The following DIAPH2 variants were observed in gnomAD, a reference collection of about 807,000 sequenced individuals.
DIAPH2 encodes diaphanous related formin 2, also known as protein diaphanous homolog 2.
DIAPH2 carries 35 observed loss-of-function variants against 92.7 expected under a neutral mutation model. The ratio of observed to expected loss-of-function variants is 0.38; its 90% CI spans 0.29 to 0.50. The LOEUF is 0.50. Among genes scored for constraint, DIAPH2 ranks in the 20% least tolerant of loss-of-function variants. The pLI is 0.94. For missense variants in DIAPH2, 701 were observed against 819.5 expected (o/e 0.86, Z 1.77); for synonymous variants, 301 against 280.4 (o/e 1.07, Z -0.73).
At chrX:97,115,754 AAAAG>A (rs1231863607) in intron 21 of DIAPH2, among the ~76,000 whole-genome samples, 1 of 111,703 alleles carries the variant, frequency 9.0e-6, no homozygotes, top group African/African-American at 3.2e-5. Context: ...TAAGAGGTAA[AAAAG>A]AAAATTGAAT....
intron 4 of DIAPH2, among the ~76,000 whole-genome samples, chrX:96,794,138 A>G (rs903514708): frequency 4.5e-5 from 5 of 111,480 alleles, no homozygotes; most frequent in African/African-American, 1.6e-4. Context: ...CAACCTTCTT[A>G]CCTGACAAAA....
chrX:97,300,716 A>C (rs1176933049), intron 23 of DIAPH2, among the ~76,000 whole-genome samples: 6 of 94,377 alleles, frequency 6.4e-5, no homozygotes, highest in Admixed American at 6.2e-4. Flanking sequence ...GCGGATCACA[A>C]GGTCAGGAGA....
At chrX:97,396,258 A>C (rs1347864299) in intron 25 of DIAPH2, among the ~76,000 whole-genome samples, 1 of 111,991 alleles carries the variant, frequency 8.9e-6, no homozygotes, top group East Asian at 2.8e-4. Context: ...ACAGATTCAC[A>C]GAACCAACAA....
intron 19 of DIAPH2, among the ~76,000 whole-genome samples, chrX:97,089,796 C>T (rs1054612274): frequency 1.8e-5 from 2 of 110,353 alleles, no homozygotes; most frequent in Non-Finnish European, 3.8e-5. Context: ...GGTGCCATCT[C>T]GGCTCAGTGC....
In DIAPH2 at chrX:96,948,988, A is replaced by G; in HGVS notation, c.1563A>G (p.Arg521=). 8.3e-7 allele frequency: 1 copy of G among 1,206,930 alleles called. No individual in the cohort carries two copies. Among genetic ancestry groups the G allele is most frequent in the Non-Finnish European group, 1.1e-6 (1 of 893,079 alleles). ...AAGCTCAAGCAGAGCTTCAAAAAAG[A>G]GATGAGAAAATCAAAGAACTTGAAG... The part of the protein sequence containing the change: ...RQEAQAELQK[R]DEKIKELEAE... Residue 521 remains arginine (R), a synonymous_variant, in exon 15 of 27, where the codon AGA becomes AGG. Coordinates refer to ENST00000324765, the MANE Select transcript of DIAPH2 (RefSeq NM_006729.5).
chrX:97,127,561 G>A (rs960665857), intron 21 of DIAPH2, among the ~76,000 whole-genome samples: 4 of 112,257 alleles, frequency 3.6e-5, no homozygotes, highest in African/African-American at 6.5e-5. Context: ...AGGGTTACTC[G>A]TTGATTTCTT....
intron 23 of DIAPH2, among the ~76,000 whole-genome samples, chrX:97,345,214 T>A (rs1488906199): frequency 8.9e-6 from 1 of 112,053 alleles, no homozygotes; most frequent in Non-Finnish European, 1.9e-5. Flanking sequence ...GAAATGTGTT[T>A]GTTTTTTCGG....
At chrX:97,034,051 A>AT (rs1229641036) in intron 17 of DIAPH2, among the ~76,000 whole-genome samples, 23 of 100,893 alleles carry the variant, frequency 2.3e-4, no homozygotes, top group South Asian at 9.5e-4. Context: ...TTCTGAAATC[A>AT]TTTTTTTTTG....
At chrX:96,767,191 G>C (rs2064309526) in intron 4 of DIAPH2, among the ~76,000 whole-genome samples, 1 of 111,153 alleles carries the variant, frequency 9.0e-6, no homozygotes, top group South Asian at 3.8e-4. Context: ...AGGGCTTTCA[G>C]AATACTCCTA....
At chrX:97,130,533 TATATG>T in intron 21 of DIAPH2, among the ~76,000 whole-genome samples, 1 of 111,917 alleles carries the variant, frequency 8.9e-6, no homozygotes, top group East Asian at 2.8e-4. Flanking sequence ...ATATTCCACT[TATATG>T]AGGTACCTAG....
chrX:97,124,689 C>G (rs770982668), intron 21 of DIAPH2, among the ~76,000 whole-genome samples: 1 of 111,780 alleles, frequency 8.9e-6, no homozygotes, highest in African/African-American at 3.2e-5. Context: ...TACACACACA[C>G]ACACCTCCCT....
intron 26 of DIAPH2, among the ~76,000 whole-genome samples, chrX:97,443,578 GA>G (rs2070281028): frequency 8.9e-6 from 1 of 111,813 alleles, no homozygotes; most frequent in African/African-American, 3.2e-5. Flanking sequence ...GGAGGAAATA[GA>G]AATTGTATTC....
intron 23 of DIAPH2, among the ~76,000 whole-genome samples, chrX:97,295,452 C>A (rs892881618): frequency 9.0e-6 from 1 of 111,612 alleles, no homozygotes; most frequent in Non-Finnish European, 1.9e-5. Context: ...ATGAAATAAA[C>A]ACCTAAAACA....
intron 20 of DIAPH2, among the ~76,000 whole-genome samples, chrX:97,100,516 G>A (rs749139312): frequency 1.8e-5 from 2 of 111,397 alleles, no homozygotes; most frequent in South Asian, 7.6e-4. Flanking sequence ...CAAAAAAATG[G>A]CAGGAAAGAG....
intron 16 of DIAPH2, among the ~76,000 whole-genome samples, chrX:96,962,272 T>TACATATATATATACATATATATATAC (rs1569436341): frequency 7.3e-5 from 6 of 81,675 alleles, no homozygotes; most frequent in Admixed American, 2.9e-4. Context: ...TATATATATA[T>TACATATATATATACATATATATATAC]ACATATATAT....
Position 97,383,928 on chromosome X carries a change from A to T in DIAPH2, c.3029A>T (p.Asn1010Ile). ...TLFLEAVRENNKRREMEEKTR... is the reference protein window; with the variant it reads ...TLFLEAVRENIKRREMEEKTR... ...GTATAGGAAGCAGTGAGAGAAAACA[A>T]TAAGAGAAGAGAAATGGAAGAGAAG... The change falls in exon 25 of 27, where the codon AAT becomes ATT. Residue 1010 changes from asparagine (N) to isoleucine (I), a missense_variant. By Grantham distance (149) the Asn-to-Ile change is moderately radical. Coordinates refer to ENST00000324765, the MANE Select transcript of DIAPH2 (RefSeq NM_006729.5). The T allele has an allele frequency of 8.3e-7, 1 of 1,200,836 alleles. No homozygotes were observed. The highest frequency in any genetic ancestry group is 1.1e-6 in the Non-Finnish European group (1 of 891,049).
chrX:96,702,307 G>C (rs1380877080), intron 1 of DIAPH2, among the ~76,000 whole-genome samples: 1 of 111,760 alleles, frequency 8.9e-6, no homozygotes, highest in African/African-American at 3.3e-5. Flanking sequence ...AATTCTTCAT[G>C]TTCAATAGTT....
At chrX:96,813,410 T>G (rs1328176815) in intron 4 of DIAPH2, among the ~76,000 whole-genome samples, 14 of 110,638 alleles carry the variant, frequency 1.3e-4, no homozygotes, top group Non-Finnish European at 1.7e-4. Flanking sequence ...TTTAAGCCTA[T>G]GTGTGTCTCT....
chrX:97,156,130 A>C (rs1024609965), intron 22 of DIAPH2, among the ~76,000 whole-genome samples: 5 of 112,333 alleles, frequency 4.5e-5, no homozygotes, highest in Non-Finnish European at 9.4e-5. Context: ...ATGCCAGTGC[A>C]GCTAATTGGT....
Sources: allele counts gnomAD v4.1 joint callset (sites outside exome capture counted in the v4.1 genomes callset), GRCh38; gene constraint gnomAD v4.1.1; transcripts MANE v1.5; gene names NCBI Gene and HGNC (gene_info 2026-07-23, HGNC 2026-07-21).